TFDP2: variants seen among roughly 807,000 people sequenced by gnomAD.
The protein encoded by TFDP2 is transcription factor Dp-2 (E2F dimerization partner 2).
A neutral mutation model predicts 59.3 loss-of-function variants in TFDP2; 17 were observed. The observed-to-expected ratio is 0.29, with a 90% CI of 0.20 to 0.43. The LOEUF is 0.43. TFDP2 is among the 20% of genes least tolerant of loss of function. The pLI, the probability that TFDP2 is intolerant of heterozygous loss-of-function variation, is 1.00. For missense variants in TFDP2, 391 were observed against 528.8 expected (o/e 0.74, Z 2.56); for synonymous variants, 180 against 194.7 (o/e 0.92, Z 0.63).
intron 3 of TFDP2, among the ~76,000 whole-genome samples, chr3:142,048,417 GAA>G (rs781139541): frequency 1.5e-5 from 2 of 133,326 alleles, no homozygotes; most frequent in Admixed American, 7.6e-5. Flanking sequence ...TGTCTTAAGG[GAA>G]AAAAAAAAAA....
intron 9 of TFDP2, among the ~76,000 whole-genome samples, 172 bp from the exon 10 acceptor site, chr3:141,964,135 T>G (rs919795569): frequency 6.6e-6 from 1 of 152,046 alleles, no homozygotes; most frequent in Non-Finnish European, 1.5e-5. Context: ...ATGATCCAAC[T>G]CAATAAATAC....
chr3:142,131,198 T>C (rs2108728038), intron 1 of TFDP2, among the ~76,000 whole-genome samples: 1 of 150,108 alleles, frequency 6.7e-6, no homozygotes, highest in Admixed American at 6.6e-5. Context: ...AAGAATATTA[T>C]TGAGGATAAA....
chr3:142,000,210 C>G (rs1304292677), intron 4 of TFDP2: 2 of 697,096 alleles, frequency 2.9e-6, no homozygotes, highest in Non-Finnish European at 5.2e-6. Flanking sequence ...GCAAGGAGTA[C>G]AAAACTGGGT....
At chr3:141,993,961 T>G (rs986809332) in intron 5 of TFDP2, among the ~76,000 whole-genome samples, 2 of 152,218 alleles carry the variant, frequency 1.3e-5, no homozygotes, top group African/African-American at 4.8e-5. Flanking sequence ...ATTTCCAAAG[T>G]GGGCCAGCAC....
rs536229445 is a variant in TFDP2 at position 142,104,782 on chromosome 3, C to T, written c.-92-2941G>A. Among the ~76,000 whole-genome samples the T allele has an allele frequency of 6.6e-5, 10 of 151,774 alleles. 1 individual carries two copies. The highest frequency in any genetic ancestry group is 5.8e-4 in the East Asian group (3 of 5,184). ...ATTAAGCCATCAATCAATTTAAATA[C>T]GTAAAAGAACAGTGAGAACTCAAAG... On this transcript the variant is annotated intron_variant, in intron 1 of 12. Transcript: ENST00000489671.
intron 3 of TFDP2, among the ~76,000 whole-genome samples, chr3:142,047,520 C>A (rs1947401305): frequency 6.6e-6 from 1 of 152,098 alleles, no homozygotes; most frequent in African/African-American, 2.4e-5. Flanking sequence ...CTTTCAAACT[C>A]CACTTGTAAC....
rs68082651 is a variant in TFDP2 at position 141,945,653 on chromosome 3, T to C, written c.*6860A>G. On this transcript the variant is annotated 3_prime_UTR_variant, in exon 13 of 13. Transcript: ENST00000489671. The stretch of plus-strand genomic sequence containing the variant: ...CCAGAGGAGCTATTCAGGAGAAAAG[T>C]AGCCCCATTGTCAGTGACGTTTTAG... The C allele has an allele frequency of 0.058, 8,771 of 152,318 alleles. 361 individuals are homozygous for C. The highest frequency in any genetic ancestry group is 0.19 in the East Asian group (972 of 5,184). 9.4% of individuals were successfully genotyped at this position (152,318 alleles called of 1,614,324 possible).
intron 1 of TFDP2, among the ~76,000 whole-genome samples, chr3:142,123,142 T>C (rs1266625797): frequency 6.6e-6 from 1 of 152,100 alleles, no homozygotes; most frequent in Non-Finnish European, 1.5e-5. Context: ...TTTGTTGTTG[T>C]TGTTTTGAGA....
intron 10 of TFDP2, among the ~76,000 whole-genome samples, chr3:141,961,029 C>CT (rs1035386849): frequency 6.6e-6 from 1 of 152,118 alleles, no homozygotes; most frequent in Non-Finnish European, 1.5e-5. Context: ...AGATTCCAGC[C>CT]TGGGGGAACA....
At chr3:142,058,319 G>T (rs917875331) in intron 3 of TFDP2, among the ~76,000 whole-genome samples, 2 of 137,636 alleles carry the variant, frequency 1.5e-5, no homozygotes, top group Non-Finnish European at 3.2e-5. Flanking sequence ...AAATGTTTGG[G>T]TTTTTTTTTT....
intron 8 of TFDP2, among the ~76,000 whole-genome samples, chr3:141,973,438 A>C (rs1311346577): frequency 6.6e-6 from 1 of 152,146 alleles, no homozygotes; most frequent in Non-Finnish European, 1.5e-5. Flanking sequence ...AAATTATGTC[A>C]AGTCAATTTA....
intron 4 of TFDP2, among the ~76,000 whole-genome samples, chr3:141,999,490 A>T (rs1943569629): frequency 6.6e-6 from 1 of 152,212 alleles, no homozygotes; most frequent in African/African-American, 2.4e-5. Context: ...TCAAAGGTCA[A>T]CTGTATAAAT....
In TFDP2 at chr3:141,951,759, T is replaced by C. The variant is rs1935966121; in HGVS notation, c.*754A>G. 1 of 152,674 alleles carries C rather than the reference T, an allele frequency of 6.5e-6. No homozygotes were observed. The highest frequency in any genetic ancestry group is 1.5e-5 in the Non-Finnish European group (1 of 68,042). The allele number at this position is 152,674 out of a possible 1,614,324, so 9.5% of individuals were successfully genotyped here. On this transcript the variant is annotated 3_prime_UTR_variant, in exon 13 of 13. Transcript: ENST00000489671. The stretch of plus-strand genomic sequence containing the variant: ...AGATTTAGGATGCTGGCAAAGGCAG[T>C]GCTGGCAAAGTATTTAATGCACATG...
chr3:142,059,460 C>T (rs2059845181), intron 3 of TFDP2, among the ~76,000 whole-genome samples: 1 of 152,132 alleles, frequency 6.6e-6, no homozygotes, highest in African/African-American at 2.4e-5. Flanking sequence ...TAATACCACA[C>T]TATTACATTT....
At chr3:142,127,632 G>C (rs182341141) in intron 1 of TFDP2, among the ~76,000 whole-genome samples, 4 of 151,912 alleles carry the variant, frequency 2.6e-5, no homozygotes, top group Non-Finnish European at 1.5e-5. Flanking sequence ...CACTGTACCC[G>C]GTCAGTATTC....
At chr3:141,990,174 G>A (rs1295513963) in intron 6 of TFDP2, among the ~76,000 whole-genome samples, 4 of 152,216 alleles carry the variant, frequency 2.6e-5, no homozygotes, top group South Asian at 2.1e-4. Context: ...GATTACAGGC[G>A]TGAGCCACCA....
intron 3 of TFDP2, among the ~76,000 whole-genome samples, chr3:142,010,599 ACT>A (rs1944586356): frequency 2.4e-5 from 3 of 127,230 alleles, no homozygotes; most frequent in Admixed American, 9.1e-5. Flanking sequence ...ACAGAGCAAG[ACT>A]CTGTCTCAAA....
At chr3:141,993,628 A>C in intron 5 of TFDP2, 43 bp from the exon 6 acceptor site, 1 of 1,161,646 alleles carries the variant, frequency 8.6e-7, no homozygotes, top group Non-Finnish European at 1.2e-6. Context: ...ACATACTTAA[A>C]TACAATTTAA....
chr3:141,969,288 A>AT (rs1553760211), intron 9 of TFDP2, among the ~76,000 whole-genome samples: 1 of 130,124 alleles, frequency 7.7e-6, no homozygotes, highest in African/African-American at 3.1e-5. Context: ...ATATATATAT[A>AT]ACCGGCCTAA....
Sources: gnomAD v4.1 joint callset for allele counts (sites outside exome capture counted in the v4.1 genomes callset) on GRCh38, gnomAD v4.1.1 for gene constraint, MANE v1.5 for transcripts, NCBI Gene and HGNC (gene_info 2026-07-23, HGNC 2026-07-21) for gene names.